The following RABGAP1L variants were observed in gnomAD, a reference collection of about 807,000 sequenced individuals.
RABGAP1L encodes rab GTPase-activating protein 1-like.
In RABGAP1L, 63 loss-of-function variants were observed where a neutral mutation model predicts 137.7. That is an observed-to-expected ratio of 0.46 (90% CI 0.37 to 0.56). The LOEUF (loss-of-function observed/expected upper bound fraction) is 0.56. Ranked by LOEUF, RABGAP1L falls within the 20% of genes least tolerant of loss-of-function variation. RABGAP1L has a pLI of 0.00. For missense variants in RABGAP1L, 1,095 were observed against 1,244.0 expected (o/e 0.88, Z 1.80); for synonymous variants, 431 against 433.7 (o/e 0.99, Z 0.08).
intron 11 of RABGAP1L, among the ~76,000 whole-genome samples, chr1:174,361,703 A>G (rs561816083): frequency 2.8e-4 from 43 of 152,258 alleles, no homozygotes; most frequent in African/African-American, 9.9e-4. Flanking sequence ...TTTTCCAAGC[A>G]TAAGATCGTA....
chr1:174,493,282 G>C (rs1162460806), intron 13 of RABGAP1L, among the ~76,000 whole-genome samples: 1 of 150,656 alleles, frequency 6.6e-6, no homozygotes, highest in Non-Finnish European at 1.5e-5. Flanking sequence ...AGGTGCTTGA[G>C]CTTAGGAGTT....
chr1:174,312,449 A>AT (rs935042960), intron 11 of RABGAP1L, among the ~76,000 whole-genome samples: 2 of 151,704 alleles, frequency 1.3e-5, no homozygotes, highest in Non-Finnish European at 2.9e-5. Flanking sequence ...AGATTATTCG[A>AT]TTTTTTTCCT....
intron 1 of RABGAP1L, among the ~76,000 whole-genome samples, chr1:174,215,476 T>TGA (rs1669228713): frequency 1.1e-5 from 1 of 91,940 alleles, no homozygotes; most frequent in Non-Finnish European, 2.7e-5. Flanking sequence ...AAAATAATAA[T>TGA]AATAAAATAA....
At chr1:174,550,921 C>CATATACACAT (rs1553330166) in intron 13 of RABGAP1L, among the ~76,000 whole-genome samples, 5 of 90,958 alleles carry the variant, frequency 5.5e-5, no homozygotes, top group African/African-American at 2.6e-4. Context: ...CACACACACA[C>CATATACACAT]ATATATATAT....
At chr1:174,805,538 G>A (rs1689206749) in intron 18 of RABGAP1L, among the ~76,000 whole-genome samples, 1 of 152,166 alleles carries the variant, frequency 6.6e-6, no homozygotes, top group Non-Finnish European at 1.5e-5. Context: ...GTCTCGTTCT[G>A]TTGCCCAGGC....
intron 13 of RABGAP1L, among the ~76,000 whole-genome samples, chr1:174,418,637 C>T: frequency 6.6e-6 from 1 of 152,176 alleles, no homozygotes. Context: ...CACTATGATG[C>T]TTCAGGGGCA....
chr1:174,212,252 A>G (rs547179564), intron 1 of RABGAP1L, among the ~76,000 whole-genome samples: 13 of 152,262 alleles, frequency 8.5e-5, no homozygotes, highest in African/African-American at 3.1e-4. Flanking sequence ...TAAAACATCA[A>G]AAAAAGAAAT....
chr1:174,664,484 C>A (rs1676601928), intron 14 of RABGAP1L, among the ~76,000 whole-genome samples: 1 of 151,932 alleles, frequency 6.6e-6, no homozygotes, highest in Admixed American at 6.6e-5. Flanking sequence ...GAGTAATTTT[C>A]AAAATATTTT....
chr1:174,540,091 C>A (rs1436595308), intron 13 of RABGAP1L, among the ~76,000 whole-genome samples: 1 of 152,130 alleles, frequency 6.6e-6, no homozygotes, highest in African/African-American at 2.4e-5. Flanking sequence ...TAAATGTCTT[C>A]TTTTGAGAAG....
chr1:174,658,747 G>T (rs1419554921), intron 14 of RABGAP1L, among the ~76,000 whole-genome samples: 1 of 152,052 alleles, frequency 6.6e-6, no homozygotes, highest in East Asian at 1.9e-4. Flanking sequence ...GTTCTATCTT[G>T]CTCTGCCTAA....
At chr1:174,564,791 T>C (rs1362370710) in intron 13 of RABGAP1L, among the ~76,000 whole-genome samples, 1 of 152,158 alleles carries the variant, frequency 6.6e-6, no homozygotes, top group Non-Finnish European at 1.5e-5. Context: ...ACTTATTTAA[T>C]ATTTTTAGAA....
chr1:174,314,240 GGTT>G (rs1179560301), intron 11 of RABGAP1L, among the ~76,000 whole-genome samples: 1 of 152,124 alleles, frequency 6.6e-6, no homozygotes, highest in Non-Finnish European at 1.5e-5. Context: ...AATCTTGGTA[GGTT>G]GTATGTGTCT....
chr1:174,223,173 C>T lies in RABGAP1L; in HGVS notation c.331+2009C>T, dbSNP rs188100944. 1.1e-3 allele frequency among the ~76,000 whole-genome samples: 150 copies of T among 142,560 alleles called. 1 individual carries two copies. Among genetic ancestry groups the T allele is most frequent in the Middle Eastern group, 3.9e-3 (1 of 254 alleles). 93.5% of individuals were successfully genotyped at this position (142,560 alleles called of 152,430 possible). A position where few individuals can be genotyped will look rare whatever the true frequency, so the allele number is the denominator to read the frequency against. Reference sequence around the variant, plus strand: ...GTCCCAGCTACTCAGGAGGCTGAGGCGAGAGAATCGCTTGAACCTGGGAGG... The same window carrying T: ...GTCCCAGCTACTCAGGAGGCTGAGGTGAGAGAATCGCTTGAACCTGGGAGG... On this transcript the variant is annotated intron_variant, in intron 3 of 25. Coordinates refer to ENST00000681986, the MANE Select transcript of RABGAP1L (RefSeq NM_001366446.1).
intron 13 of RABGAP1L, among the ~76,000 whole-genome samples, chr1:174,526,468 C>T (rs1019007879): frequency 6.6e-6 from 1 of 152,016 alleles, no homozygotes; most frequent in Admixed American, 6.6e-5. Flanking sequence ...TCTCCAGTCC[C>T]GGCTTTTCTT....
chr1:174,881,804 T>G (rs1654274379), intron 19 of RABGAP1L, among the ~76,000 whole-genome samples: 1 of 152,098 alleles, frequency 6.6e-6, no homozygotes, highest in African/African-American at 2.4e-5. Flanking sequence ...CTGGCCTCAT[T>G]TGCTTTTAAT....
chr1:174,255,154 T>C (rs1346369899), intron 7 of RABGAP1L, among the ~76,000 whole-genome samples: 1 of 152,232 alleles, frequency 6.6e-6, no homozygotes, highest in Non-Finnish European at 1.5e-5. Flanking sequence ...AGGCATCTTA[T>C]AATTATAGTT....
chr1:174,678,267 A>T (rs1282814522), intron 14 of RABGAP1L, among the ~76,000 whole-genome samples: 1 of 152,200 alleles, frequency 6.6e-6, no homozygotes, highest in Non-Finnish European at 1.5e-5. Flanking sequence ...TTCCAAGGAG[A>T]ATACTCTAGG....
At chr1:174,892,473 T>A (rs1481776974) in intron 19 of RABGAP1L, 1 of 460,966 alleles carries the variant, frequency 2.2e-6, no homozygotes, top group Admixed American at 2.6e-5. Context: ...CTTTTTCACC[T>A]TCCAGCTTCT....
chr1:174,210,982 A>T (rs1336542686), intron 1 of RABGAP1L, among the ~76,000 whole-genome samples: 1 of 152,176 alleles, frequency 6.6e-6, no homozygotes, highest in Non-Finnish European at 1.5e-5. Flanking sequence ...CTAGAATAAT[A>T]TGTTTGGTGA....
Sources: allele counts gnomAD v4.1 joint callset (sites outside exome capture counted in the v4.1 genomes callset), GRCh38; gene constraint gnomAD v4.1.1; transcripts MANE v1.5; gene names NCBI Gene and HGNC (gene_info 2026-07-23, HGNC 2026-07-21).